DHX8: variants seen among roughly 807,000 people sequenced by gnomAD.
DHX8 encodes the protein DEAH-box helicase 8, also known as ATP-dependent RNA helicase DHX8.
In DHX8, 67 loss-of-function variants were observed where a neutral mutation model predicts 140.7. The ratio of observed to expected loss-of-function variants is 0.48; its 90% CI spans 0.39 to 0.58. The LOEUF is 0.58. Among genes scored for constraint, DHX8 ranks in the 20% least tolerant of loss-of-function variants. DHX8 has a pLI of 0.00. For synonymous variants in DHX8, 533 were observed against 553.2 expected (o/e 0.96, Z 0.51); for missense variants, 887 against 1,550.7 (o/e 0.57, Z 7.19).
At chr17:43,496,327 A>AT in intron 9 of DHX8, 59 bp downstream of exon 9, 1 of 1,239,030 alleles carries the variant, frequency 8.1e-7, no homozygotes, top group Non-Finnish European at 1.2e-6. Context: ...GAATTGGGTG[A>AT]TTTGCCTGTA....
rs1328373439 is a variant in DHX8, at chr17:43,522,076, A to G, written c.3293A>G (p.Lys1098Arg). The part of the protein sequence containing the change: ...RHKLDVVSCG[K>R]STVRVQKAIC... ...AAGCTGGATGTTGTTTCCTGTGGCA[A>G]GTCCACAGTCCGAGTGCAGAAGGCC... is the stretch of plus-strand genomic sequence containing the variant. The change falls in exon 22 of 23, where the codon AAG (lysine) becomes AGG (arginine). Residue 1098 changes from lysine to arginine, a missense_variant. This residue lies in a region of DHX8 where 101 missense variants were observed against 168.2 expected (regional missense o/e 0.60). Coordinates refer to ENST00000262415, the MANE Select transcript of DHX8 (RefSeq NM_004941.3). 1 of 1,614,092 alleles carries G rather than the reference A, an allele frequency of 6.2e-7. No homozygotes were observed. The highest frequency in any genetic ancestry group is 1.7e-5 in the Admixed American group (1 of 60,018).
chr17:43,509,228 T>G (rs955207439), intron 16 of DHX8, among the ~76,000 whole-genome samples: 8 of 152,122 alleles, frequency 5.3e-5, no homozygotes, highest in African/African-American at 1.7e-4. Flanking sequence ...AATAAGGATC[T>G]AAGGTAGTCC....
chr17:43,501,666 G>A (rs1969204443), intron 11 of DHX8, among the ~76,000 whole-genome samples: 1 of 152,100 alleles, frequency 6.6e-6, no homozygotes, highest in African/African-American at 2.4e-5. Context: ...TGTATTTTTA[G>A]TAGAGACGAG....
In DHX8 at chr17:43,523,688, C is replaced by T. The variant is rs1210054837; in HGVS notation, c.3504C>T (p.Ile1168=). The T allele has an allele frequency of 3.1e-6, 5 of 1,614,104 alleles. No homozygotes were observed. The highest frequency in any genetic ancestry group is 1.7e-5 in the Admixed American group (1 of 60,008). Reference sequence around the variant, plus strand: ...AATACATGCGTGAAGTTACCACCATCGACCCTCGGTGGCTTGTGGAGTTTG... The same window carrying T: ...AATACATGCGTGAAGTTACCACCATTGACCCTCGGTGGCTTGTGGAGTTTG... The part of the protein sequence containing the change: ...TKEYMREVTT[I]DPRWLVEFAP... The change falls in exon 23 of 23, where the codon ATC becomes ATT. Residue 1168 remains isoleucine (I), a synonymous_variant. Coordinates refer to ENST00000262415, the MANE Select transcript of DHX8 (RefSeq NM_004941.3).
At chr17:43,514,581 T>C (rs974570381) in intron 17 of DHX8, among the ~76,000 whole-genome samples, 1 of 152,206 alleles carries the variant, frequency 6.6e-6, no homozygotes, top group Admixed American at 6.5e-5. Context: ...CCGATCACTT[T>C]TTTGAGAGAA....
chr17:43,507,070 C>A lies in DHX8; in HGVS notation c.1796C>A (p.Thr599Asn), dbSNP rs748012121. ...GGATCTGGAAAGACAACACAGATCA[C>A]CCAGTACCTGGCGGAGGCAGGCTAC... ...ETGSGKTTQI[T>N]QYLAEAGYTS... Residue 599 changes from threonine (T) to asparagine (N), a missense_variant, in exon 13 of 23, where the codon ACC (threonine) becomes AAC (asparagine). This residue lies in a region of DHX8 where 178 missense variants were observed against 398.5 expected (regional missense o/e 0.45). Coordinates refer to ENST00000262415, the MANE Select transcript of DHX8 (RefSeq NM_004941.3). The A allele has an allele frequency of 1.2e-6, 2 of 1,613,934 alleles. No individual in the cohort carries two copies. Among genetic ancestry groups the A allele is most frequent in the Non-Finnish European group, 1.7e-6 (2 of 1,180,018 alleles).
chr17:43,533,332 TG>T (rs745944421), intron 2 of DHX8: 1 of 1,612,926 alleles, frequency 6.2e-7, no homozygotes, highest in Non-Finnish European at 8.5e-7. Flanking sequence ...GCGATTTGTC[TG>T]GGGGGGTCAT....
intron 8 of DHX8, among the ~76,000 whole-genome samples, chr17:43,495,314 T>G (rs1007593920): frequency 4.6e-5 from 7 of 152,230 alleles, no homozygotes; most frequent in African/African-American, 1.7e-4. Context: ...TTACTTGCAC[T>G]ATTGCCCAGG....
chr17:43,499,937 T>G lies in DHX8; in HGVS notation c.1399-19T>G. 2 of 1,612,456 alleles carry G rather than the reference T, an allele frequency of 1.2e-6. No individual in the cohort carries two copies. The highest frequency in any genetic ancestry group is 1.7e-6 in the Non-Finnish European group (2 of 1,179,360). On this transcript the variant is annotated intron_variant, in intron 10 of 22. Coordinates refer to ENST00000262415, the MANE Select transcript of DHX8 (RefSeq NM_004941.3). Reference sequence around the variant, plus strand: ...TCCCGGACATTTAATCCATGTTGTTTTTTCTTCTGTTGCACCAGAACCCAG... The same window carrying G: ...TCCCGGACATTTAATCCATGTTGTTGTTTCTTCTGTTGCACCAGAACCCAG...
In DHX8 at chr17:43,483,990, G is replaced by A. The variant is rs373180667; in HGVS notation, c.-48G>A. 1.4e-5 allele frequency: 22 copies of A among 1,610,234 alleles called. No homozygotes were observed. The Admixed American group carries it at 2.9e-4, about 21-fold the overall frequency. On this transcript the variant is annotated 5_prime_UTR_variant, in exon 1 of 23. Transcript: ENST00000262415. ...TGAAAGCTGGAACCCGGCCGGAGTA[G>A]CTCTGAGCGCCGGCTGTGAGGAAGG...
chr17:43,513,685 T>A (rs543563274), intron 17 of DHX8, among the ~76,000 whole-genome samples, 183 bp downstream of exon 17: 2 of 151,964 alleles, frequency 1.3e-5, no homozygotes, highest in African/African-American at 4.8e-5. Flanking sequence ...CCCTGAAGTC[T>A]GATTGATCCT....
intron 12 of DHX8, among the ~76,000 whole-genome samples, chr17:43,505,190 A>G (rs1244695743): frequency 6.6e-6 from 1 of 152,080 alleles, no homozygotes; most frequent in Non-Finnish European, 1.5e-5. Context: ...TGGGCGGATC[A>G]CAAGTTCAGG....
At chr17:43,484,403 C>T (rs1038552925) in intron 1 of DHX8, among the ~76,000 whole-genome samples, 1 of 152,138 alleles carries the variant, frequency 6.6e-6, no homozygotes, top group Non-Finnish European at 1.5e-5. Flanking sequence ...CAGTGAAGCC[C>T]GGGGCGGTCA....
intron 11 of DHX8, among the ~76,000 whole-genome samples, chr17:43,502,583 C>T (rs183919622): frequency 3.3e-5 from 5 of 152,082 alleles, no homozygotes; most frequent in African/African-American, 7.2e-5. Context: ...CCACCACGCA[C>T]GAGTAATTAT....
Position 43,525,315 on chromosome 17 carries a change from A to G in DHX8, c.*1468A>G. 9.1e-6 allele frequency: 9 copies of G among 985,272 alleles called. No individual in the cohort carries two copies. Among genetic ancestry groups the G allele is most frequent in the Non-Finnish European group, 1.1e-5 (9 of 829,802 alleles). The allele number at this position is 985,272 out of a possible 1,614,324, so 61.0% of individuals were successfully genotyped here. Reference sequence around the variant, plus strand: ...AGAACTGTATGCCAGACACTAAGAGAGACTATGTAACATTCCAGGATATAA... The same window carrying G: ...AGAACTGTATGCCAGACACTAAGAGGGACTATGTAACATTCCAGGATATAA... On this transcript the variant is annotated 3_prime_UTR_variant, in exon 23 of 23. Transcript: ENST00000262415.
At chr17:43,492,395 C>A in intron 5 of DHX8, 103 bp downstream of exon 5, 3 of 799,148 alleles carry the variant, frequency 3.8e-6, no homozygotes, top group Non-Finnish European at 4.3e-6. Flanking sequence ...AGAATCTGGA[C>A]TGGTCATATA....
intron 22 of DHX8, among the ~76,000 whole-genome samples, chr17:43,523,329 A>G (rs1471032291): frequency 3.3e-5 from 5 of 152,168 alleles, no homozygotes; most frequent in Admixed American, 2.6e-4. Flanking sequence ...ACATCCTCAC[A>G]TTTTATAGAG....
intron 12 of DHX8, among the ~76,000 whole-genome samples, chr17:43,506,766 A>G (rs1035613757): frequency 6.6e-6 from 1 of 152,168 alleles, no homozygotes; most frequent in Non-Finnish European, 1.5e-5. Flanking sequence ...CTTTTGGGGA[A>G]AGATATAGAA....
At chr17:43,509,882 T>C (rs1206164121) in intron 16 of DHX8, among the ~76,000 whole-genome samples, 1 of 152,168 alleles carries the variant, frequency 6.6e-6, no homozygotes, top group African/African-American at 2.4e-5. Context: ...TTGGCCGGGC[T>C]GGTCTCGAAC....
Sources: gnomAD v4.1 joint callset for allele counts (sites outside exome capture counted in the v4.1 genomes callset) on GRCh38, gnomAD v4.1.1 for gene constraint, gnomAD v4.1.1 regional missense constraint, MANE v1.5 for transcripts, NCBI Gene and HGNC (gene_info 2026-07-23, HGNC 2026-07-21) for gene names.